Variants in NR1D1 observed in about 807,000 individuals in gnomAD.
NR1D1 encodes the protein Rev-ErbAalpha.
A neutral mutation model predicts 51.1 loss-of-function variants in NR1D1; 17 were observed. That is an observed-to-expected ratio of 0.33 (90% CI 0.23 to 0.50). NR1D1 has a LOEUF of 0.50. Among genes scored for constraint, NR1D1 ranks in the 20% least tolerant of loss-of-function variants. The pLI is 0.98. For synonymous variants in NR1D1, 341 were observed against 333.4 expected (o/e 1.02, Z -0.25); for missense variants, 647 against 830.4 (o/e 0.78, Z 2.71).
At position 40,100,499 on chromosome 17, in the gene NR1D1, T is replaced by A; in HGVS notation, c.-405A>T. On this transcript the variant is annotated 5_prime_UTR_variant, in exon 1 of 8. Coordinates refer to ENST00000246672, the MANE Select transcript of NR1D1 (RefSeq NM_021724.5). ...AGGAAGAGAGGTTGCAACCAGGAAG[T>A]AAGTAGGTGATGGGGAGAAACGGGG... 1 of 450,862 alleles carries A rather than the reference T, an allele frequency of 2.2e-6. No individual in the cohort carries two copies. The allele number at this position is 450,862 out of a possible 1,614,324, so 27.9% of individuals were successfully genotyped here.
chr17:40,093,612 C>T lies in NR1D1; in HGVS notation c.1645+300G>A. 2 of 716,728 alleles carry T rather than the reference C, an allele frequency of 2.8e-6. No individual in the cohort carries two copies. The highest frequency in any genetic ancestry group is 4.5e-6 in the Non-Finnish European group (2 of 444,948). 44.4% of individuals were successfully genotyped at this position (716,728 alleles called of 1,614,324 possible). A position where few individuals can be genotyped will look rare whatever the true frequency, so the allele number is the denominator to read the frequency against. ...TGGGATGCCCTTCCCCCTTTCTCTGCCTGGCAACATCTTACTTGTCCTTTG... is the reference window on the plus strand; with the variant it reads ...TGGGATGCCCTTCCCCCTTTCTCTGTCTGGCAACATCTTACTTGTCCTTTG... On this transcript the variant is annotated intron_variant, in intron 7 of 7. Transcript: ENST00000246672. The surrounding 1 kb of genome is among the most constrained non-coding windows in gnomAD (Gnocchi z 5.9).
In NR1D1 at chr17:40,097,271, G is replaced by C; in HGVS notation, c.164C>G (p.Ser55Cys). The C allele has an allele frequency of 6.2e-7, 1 of 1,613,462 alleles. No homozygotes were observed. The highest frequency in any genetic ancestry group is 1.1e-5 in the South Asian group (1 of 91,068). Residue 55 changes from serine to cysteine, a missense_variant, in exon 2 of 8, where the codon TCC becomes TGC. Around this residue, in one of 7 missense-constraint regions of NR1D1, gnomAD observed 40 missense variants for 69.0 expected, o/e 0.58. Coordinates refer to ENST00000246672, the MANE Select transcript of NR1D1 (RefSeq NM_021724.5). Reference protein sequence around the residue: ...TQGCPTYFPPSPTGSLTQDPA... With the variant: ...TQGCPTYFPPCPTGSLTQDPA... The stretch of plus-strand genomic sequence containing the variant: ...GTCTTGGGTGAGGGAGCCAGTGGGG[G>C]ATGGTGGGAAGTAGGTGGGACAGCC...
Position 40,092,857 on chromosome 17 carries a change from G to C in NR1D1, c.*226C>G, listed in dbSNP as rs1297422624. The C allele has an allele frequency of 6.0e-6, 6 of 998,730 alleles. No homozygotes were observed. The highest frequency in any genetic ancestry group is 5.2e-5 in the East Asian group (2 of 38,112). 61.9% of individuals were successfully genotyped at this position (998,730 alleles called of 1,614,324 possible). ...AATCAGAGGGCCAGGGGAGGGTTGT[G>C]GGGGAGACAGAGTGGTTTAAATAGG... is the stretch of plus-strand genomic sequence containing the variant. On this transcript the variant is annotated 3_prime_UTR_variant, in exon 8 of 8. Coordinates refer to ENST00000246672, the MANE Select transcript of NR1D1 (RefSeq NM_021724.5).
In NR1D1 at chr17:40,095,870, C is replaced by T. The variant is rs761818986; in HGVS notation, c.822G>A (p.Thr274=). Residue 274 remains threonine, a synonymous_variant, in exon 5 of 8, where the codon ACG becomes ACA. Transcript: ENST00000246672. ...GCTCAGGGCTTGGGGATCTGGGAGG[C>T]GTCAGCTGTTGTGGAAACTGGGAGA... ...VGFSQFPQQL[T]PPRSPSPEPT... is the part of the protein sequence containing the mutation. 9.9e-6 allele frequency: 16 copies of T among 1,612,618 alleles called. No homozygotes were observed. Among genetic ancestry groups the T allele is most frequent in the Middle Eastern group, 1.6e-4 (1 of 6,078 alleles).
Position 40,097,172 on chromosome 17 carries a change from G to C in NR1D1, c.263C>G (p.Ser88Trp). 3.1e-6 allele frequency: 5 copies of C among 1,611,854 alleles called. No homozygotes were observed. The highest frequency in any genetic ancestry group is 4.2e-6 in the Non-Finnish European group (5 of 1,178,598). The part of the protein sequence containing the change: ...DGSPSSSSSS[S>W]SSSSSFYNGS... ...ATTATAGAAGGAGGAGGAGGATGAC[G>C]ACGAGGAAGATGAGGAAGAAGGGGA... is the stretch of plus-strand genomic sequence containing the variant. Residue 88 changes from serine to tryptophan, a missense_variant, in exon 2 of 8, where the codon TCG (serine) becomes TGG (tryptophan). Around this residue, in one of 7 missense-constraint regions of NR1D1, gnomAD observed 98 missense variants for 94.7 expected, o/e 1.03. Coordinates refer to ENST00000246672, the MANE Select transcript of NR1D1 (RefSeq NM_021724.5).
At position 40,095,801 on chromosome 17, in the gene NR1D1, T is replaced by C. The variant is rs769182276; in HGVS notation, c.891A>G (p.Arg297=). 2 of 1,613,698 alleles carry C rather than the reference T, an allele frequency of 1.2e-6. No individual in the cohort carries two copies. The highest frequency in any genetic ancestry group is 2.2e-5 in the East Asian group (1 of 44,860). Residue 297 remains arginine, a synonymous_variant, in exon 5 of 8, where the codon CGA becomes CGG. Coordinates refer to ENST00000246672, the MANE Select transcript of NR1D1 (RefSeq NM_021724.5). ...DVISQVARAH[R]EIFTYAHDKL... ...TGTCATGGGCGTAGGTGAAGATCTC[T>C]CGATGGGCCCGGGCCACCTGGGATA...
At chr17:40,098,300 A>G (rs1987803887) in intron 1 of NR1D1, among the ~76,000 whole-genome samples, 5 of 152,216 alleles carry the variant, frequency 3.3e-5, no homozygotes, top group Admixed American at 3.3e-4. Context: ...CCCAGGACAC[A>G]TGTGACCTAA....
intron 1 of NR1D1, among the ~76,000 whole-genome samples, chr17:40,099,136 C>T (rs1341888643): frequency 6.6e-6 from 1 of 152,070 alleles, no homozygotes; most frequent in Non-Finnish European, 1.5e-5. Flanking sequence ...GCCTCACGTC[C>T]CTGCTCCACG....
Position 40,097,025 on chromosome 17 carries a change from C to G in NR1D1, c.370+40G>C, listed in dbSNP as rs764823440. On this transcript the variant is annotated intron_variant, in intron 2 of 7. Coordinates refer to ENST00000246672, the MANE Select transcript of NR1D1 (RefSeq NM_021724.5). ...AAACCCATTCCCAATCTGGCCCTGG[C>G]CTGCTTCCCTTCCCCCGAATCAGCT... is the stretch of plus-strand genomic sequence containing the variant. 9 of 1,543,320 alleles carry G rather than the reference C, an allele frequency of 5.8e-6. No individual in the cohort carries two copies. The South Asian group carries it at 1.1e-4, about 19-fold the overall frequency.
intron 1 of NR1D1, among the ~76,000 whole-genome samples, chr17:40,098,575 G>C (rs938980284): frequency 6.6e-6 from 1 of 152,212 alleles, no homozygotes; most frequent in East Asian, 1.9e-4. Context: ...TTCCAACGTG[G>C]AAGTGAGGAG....
intron 1 of NR1D1, 90 bp downstream of exon 1, chr17:40,099,974 G>A: frequency 1.0e-6 from 1 of 956,432 alleles, no homozygotes; most frequent in South Asian, 1.3e-5. Flanking sequence ...GGACACCCCA[G>A]TCCCTTACAA....
At chr17:40,099,947 C>T in intron 1 of NR1D1, 117 bp downstream of exon 1, 1 of 795,632 alleles carries the variant, frequency 1.3e-6, no homozygotes, top group East Asian at 2.5e-5. Context: ...AGCACGTTAG[C>T]AAATCTCCGG....
chr17:40,100,142 C>T lies in NR1D1; in HGVS notation c.-48G>A, dbSNP rs1291831370. 5.2e-6 allele frequency: 8 copies of T among 1,524,952 alleles called. No individual in the cohort carries two copies. Among genetic ancestry groups the T allele is most frequent in the Non-Finnish European group, 1.8e-6 (2 of 1,099,348 alleles). 94.5% of individuals were successfully genotyped at this position (1,524,952 alleles called of 1,614,324 possible). A position where few individuals can be genotyped will look rare whatever the true frequency, so the allele number is the denominator to read the frequency against. On this transcript the variant is annotated 5_prime_UTR_variant, in exon 1 of 8. Transcript: ENST00000246672. ...CATTCAAACTGGACCTTGACTCAAA[C>T]TAGAGGTTGCGATCGCCGCTGTTGC...
Position 40,093,413 on chromosome 17 carries a change from A to G in NR1D1, c.1646-131T>C. On this transcript the variant is annotated intron_variant, in intron 7 of 7. Coordinates refer to ENST00000246672, the MANE Select transcript of NR1D1 (RefSeq NM_021724.5). This position sits in a 1 kb window ranked among gnomAD's most constrained non-coding sequence, Gnocchi z 5.9. Reference sequence around the variant, plus strand: ...CCCAGAAGGCCGATGGGGAAGGAGAAGGAGTGCCATACCTTCTCCCAGGCC... The same window carrying G: ...CCCAGAAGGCCGATGGGGAAGGAGAGGGAGTGCCATACCTTCTCCCAGGCC... 6.3e-7 allele frequency: 1 copy of G among 1,596,554 alleles called. No homozygotes were observed. Among genetic ancestry groups the G allele is most frequent in the South Asian group, 1.1e-5 (1 of 89,118 alleles).
chr17:40,095,658 GTGT>G lies in NR1D1; in HGVS notation c.1031_1033del (p.Asn344del), dbSNP rs770153981. On this transcript the variant is annotated inframe_deletion, in exon 5 of 8. Transcript: ENST00000246672. ...CTCGTTATGACGCTGGGCAGCCAAG[GTGT>G]TGTTGTCATTGGGGGCAGGTGGGCA... 131 of 1,612,758 alleles carry G rather than the reference GTGT, an allele frequency of 8.1e-5. No individual in the cohort carries two copies. Among genetic ancestry groups the G allele is most frequent in the Non-Finnish European group, 9.8e-5 (115 of 1,179,114 alleles).
Position 40,095,474 on chromosome 17 carries a change from G to T in NR1D1, c.1218C>A (p.Pro406=). Residue 406 remains proline (P), a synonymous_variant, in exon 5 of 8, where the codon CCC becomes CCA. Transcript: ENST00000246672. Reference sequence around the variant, plus strand: ...GAACATTCTTTGAGTTGCCCTGCCGGGGACTGTTGGCAGGTGCCTTGCCTT... The same window carrying T: ...GAACATTCTTTGAGTTGCCCTGCCGTGGACTGTTGGCAGGTGCCTTGCCTT... ...APEGKAPANS[P]RQGNSKNVLL... 4.5e-6 allele frequency: 7 copies of T among 1,541,140 alleles called. No individual in the cohort carries two copies. Among genetic ancestry groups the T allele is most frequent in the Non-Finnish European group, 6.1e-6 (7 of 1,143,080 alleles).
chr17:40,092,914 A>G lies in NR1D1; in HGVS notation c.*169T>C. On this transcript the variant is annotated 3_prime_UTR_variant, in exon 8 of 8. Coordinates refer to ENST00000246672, the MANE Select transcript of NR1D1 (RefSeq NM_021724.5). ...GGGGAAGTTCGGTGATGGGGGAGGG[A>G]GGCAGGTATTTACAAGAAGGCTCAG... 1 of 1,459,910 alleles carries G rather than the reference A, an allele frequency of 6.8e-7. No homozygotes were observed. Among genetic ancestry groups the G allele is most frequent in the Non-Finnish European group, 9.1e-7 (1 of 1,093,682 alleles). 90.4% of individuals were successfully genotyped at this position (1,459,910 alleles called of 1,614,324 possible).
chr17:40,093,686 A>G lies in NR1D1; in HGVS notation c.1645+226T>C. On this transcript the variant is annotated intron_variant, in intron 7 of 7. Coordinates refer to ENST00000246672, the MANE Select transcript of NR1D1 (RefSeq NM_021724.5). The surrounding 1 kb of genome is among the most constrained non-coding windows in gnomAD (Gnocchi z 5.9). ...CCTTCCCCAGCTCCCCCAGGCAGAA[A>G]TAGTTGTCTGTGCTTCCTTGGTTCA... 3.2e-6 allele frequency: 2 copies of G among 634,148 alleles called. No homozygotes were observed. The highest frequency in any genetic ancestry group is 2.0e-5 in the South Asian group (1 of 50,168). 39.3% of individuals were successfully genotyped at this position (634,148 alleles called of 1,614,324 possible).
rs117038965 is a variant in NR1D1 at position 40,098,649 on chromosome 17, G to T, written c.32-1246C>A. Among the ~76,000 whole-genome samples the T allele has an allele frequency of 3.3e-5, 5 of 152,292 alleles. No individual in the cohort carries two copies. In the South Asian group the frequency reaches 8.3e-4, roughly 25 times the overall value. Reference sequence around the variant, plus strand: ...TACCAACTTATTTTGTGACCTAGAGGACATCAACTCCCCTCTTTGGGTCTC... The same window carrying T: ...TACCAACTTATTTTGTGACCTAGAGTACATCAACTCCCCTCTTTGGGTCTC... On this transcript the variant is annotated intron_variant, in intron 1 of 7. Coordinates refer to ENST00000246672, the MANE Select transcript of NR1D1 (RefSeq NM_021724.5).
Sources: allele counts gnomAD v4.1 joint callset (sites outside exome capture counted in the v4.1 genomes callset), GRCh38; gene constraint gnomAD v4.1.1; regional missense constraint gnomAD v4.1.1; non-coding constraint Gnocchi (gnomAD v3.1); transcripts MANE v1.5; gene names NCBI Gene and HGNC (gene_info 2026-07-23, HGNC 2026-07-21).